The following TMEM272 variants were observed in gnomAD, a reference collection of about 807,000 sequenced individuals.
TMEM272 encodes the protein long intergenic non-protein coding RNA 282.
In TMEM272, 8 loss-of-function variants were observed where a neutral mutation model predicts 3.7. The ratio of observed to expected loss-of-function variants is 2.17; its 90% confidence interval spans 1.27 to 3.91. The LOEUF (loss-of-function observed/expected upper bound fraction) is 3.91. Among genes scored for constraint, TMEM272 ranks in the 30% most tolerant of loss-of-function variants. The pLI is 0.00. For missense variants in TMEM272, 166 were observed against 91.5 expected (o/e 1.81, Z -3.32); for synonymous variants, 63 against 39.8 (o/e 1.58, Z -2.20).
At chr13:51,896,127 C>T in the TMEM272 span, among the ~76,000 whole-genome samples, 1 of 152,188 alleles carries the variant, frequency 6.6e-6, no homozygotes, top group Admixed American at 6.5e-5. Flanking sequence ...AACTTTGGCA[C>T]AGGAAAGTCC....
intron 4 of TMEM272, among the ~76,000 whole-genome samples, chr13:51,821,512 ATACTT>A (rs1956078122): frequency 1.3e-5 from 2 of 152,206 alleles, no homozygotes; most frequent in South Asian, 2.1e-4. Flanking sequence ...AGGCATAAGA[ATACTT>A]TAATAGTTGA....
the TMEM272 span, among the ~76,000 whole-genome samples, chr13:51,903,942 C>CATGTGTGTGTGTGTGT: frequency 7.3e-6 from 1 of 136,552 alleles, no homozygotes; most frequent in African/African-American, 2.7e-5. Flanking sequence ...CAGTCTTCCA[C>CATGTGTGTGTGTGTGT]GTGTGTGTGT....
chr13:51,819,932 A>C (rs1335023629), intron 4 of TMEM272, among the ~76,000 whole-genome samples: 1 of 152,154 alleles, frequency 6.6e-6, no homozygotes, highest in Non-Finnish European at 1.5e-5. Context: ...GGGTAACTGC[A>C]TGTCCTTGTT....
chr13:51,832,574 G>A (rs1956182438), intron 2 of TMEM272, among the ~76,000 whole-genome samples: 1 of 152,022 alleles, frequency 6.6e-6, no homozygotes, highest in African/African-American at 2.4e-5. Context: ...CCACCTCCCT[G>A]TATCTGTAAT....
At chr13:51,869,831 C>T in the TMEM272 span, among the ~76,000 whole-genome samples, 159 of 152,304 alleles carry the variant, frequency 1.0e-3, 1 homozygote, top group African/African-American at 3.7e-3. Context: ...TAATAAAGCT[C>T]TGGACCCTCA....
the TMEM272 span, among the ~76,000 whole-genome samples, chr13:51,894,944 G>A: frequency 5.5e-3 from 842 of 151,962 alleles, 9 homozygotes; most frequent in African/African-American, 0.018. Flanking sequence ...CAGATCATCA[G>A]GTGTTAGATT....
At chr13:51,865,510 G>A in the TMEM272 span, 1 of 1,614,220 alleles carries the variant, frequency 6.2e-7, no homozygotes. Context: ...TAATGCACAA[G>A]CTGCAGGAGG....
chr13:51,873,764 G>C, the TMEM272 span, among the ~76,000 whole-genome samples: 2 of 152,124 alleles, frequency 1.3e-5, no homozygotes, highest in Non-Finnish European at 2.9e-5. Flanking sequence ...CTGACCTCGC[G>C]ATCCTTCTAG....
the TMEM272 span, among the ~76,000 whole-genome samples, chr13:51,912,821 G>T: frequency 6.6e-6 from 1 of 152,180 alleles, no homozygotes; most frequent in Non-Finnish European, 1.5e-5. Context: ...CACGCTCACT[G>T]AATGGATGAA....
At chr13:51,865,884 C>A in the TMEM272 span, 1 of 1,613,476 alleles carries the variant, frequency 6.2e-7, no homozygotes, top group Middle Eastern at 1.7e-4. Flanking sequence ...GAGGAAAGAG[C>A]CCTCCTTGAG....
intron 2 of TMEM272, 96 bp from the exon 3 acceptor site, chr13:51,826,721 A>T (rs1435825347): frequency 2.9e-6 from 2 of 687,324 alleles, no homozygotes; most frequent in African/African-American, 3.5e-5. Context: ...GTGAAACCTG[A>T]CTTTCTCTCC....
At chr13:51,919,808 C>T in the TMEM272 span, among the ~76,000 whole-genome samples, 21 of 152,238 alleles carry the variant, frequency 1.4e-4, no homozygotes, top group Non-Finnish European at 2.1e-4. Flanking sequence ...GCCACCGTCC[C>T]TGTGACATTT....
the TMEM272 span, among the ~76,000 whole-genome samples, chr13:51,923,562 G>A: frequency 0.01 from 1,544 of 152,258 alleles, 29 homozygotes; most frequent in African/African-American, 0.035. Flanking sequence ...CTTTGGGGCT[G>A]GCGCTGTGGA....
the TMEM272 span, among the ~76,000 whole-genome samples, chr13:51,877,676 C>T: frequency 1.3e-5 from 2 of 152,146 alleles, no homozygotes; most frequent in African/African-American, 2.4e-5. Context: ...TTTTTCTTAC[C>T]AATTTGTATG....
the TMEM272 span, chr13:51,910,551 G>T: frequency 2.7e-5 from 19 of 697,916 alleles, no homozygotes; most frequent in South Asian, 2.2e-4. Flanking sequence ...AGGCAGTGCT[G>T]CCATAACCCT....
the TMEM272 span, among the ~76,000 whole-genome samples, chr13:51,894,907 C>A: frequency 6.6e-6 from 1 of 151,754 alleles, no homozygotes; most frequent in Admixed American, 6.6e-5. Flanking sequence ...CTAGATGGTC[C>A]CATCTGGGGG....
chr13:51,896,107 C>T, the TMEM272 span, among the ~76,000 whole-genome samples: 4 of 152,162 alleles, frequency 2.6e-5, no homozygotes, highest in Non-Finnish European at 5.9e-5. Context: ...AACCCCAGGG[C>T]CCCAGTCTCA....
the TMEM272 span, among the ~76,000 whole-genome samples, chr13:51,926,068 GGTGT>G: frequency 3.3e-5 from 5 of 151,790 alleles, no homozygotes; most frequent in Admixed American, 3.3e-4. Context: ...ATATATGTGT[GGTGT>G]GTGTCTATGA....
chr13:51,883,027 T>C, the TMEM272 span, among the ~76,000 whole-genome samples: 2 of 152,226 alleles, frequency 1.3e-5, no homozygotes, highest in African/African-American at 4.8e-5. Flanking sequence ...GTGGCTTCCT[T>C]GTTGGGCGCC....
Sources: gnomAD v4.1 joint callset for allele counts (sites outside exome capture counted in the v4.1 genomes callset) on GRCh38, gnomAD v4.1.1 for gene constraint, MANE v1.5 for transcripts, NCBI Gene and HGNC (gene_info 2026-07-23, HGNC 2026-07-21) for gene names.